Variants in RHOA observed in about 807,000 individuals in gnomAD.
The protein encoded by RHOA is ras homolog family member A.
In RHOA, 3 loss-of-function variants were observed where a neutral mutation model predicts 17.5. That is an observed-to-expected ratio of 0.17 (90% CI 0.08 to 0.44). RHOA has a LOEUF of 0.44. Among genes scored for constraint, RHOA ranks in the 20% least tolerant of loss-of-function variants. The pLI is 0.99. For synonymous variants in RHOA, 98 were observed against 88.4 expected (o/e 1.11, Z -0.61); for missense variants, 56 against 242.3 (o/e 0.23, Z 5.10).
intron 1 of RHOA, among the ~76,000 whole-genome samples, chr3:49,408,995 C>A (rs1300223051): frequency 6.6e-6 from 1 of 151,356 alleles, no homozygotes; most frequent in Non-Finnish European, 1.5e-5. Context: ...GGGGTTTCAC[C>A]GTGTTAGCCA....
At chr3:49,373,618 C>G (rs1431524383) in intron 2 of RHOA, among the ~76,000 whole-genome samples, 2 of 152,138 alleles carry the variant, frequency 1.3e-5, no homozygotes, top group Non-Finnish European at 2.9e-5. Context: ...TTGAAACCAG[C>G]TGGACCAACA....
chr3:49,401,872 C>T (rs1169214470), intron 1 of RHOA, among the ~76,000 whole-genome samples: 1 of 152,172 alleles, frequency 6.6e-6, no homozygotes, highest in Admixed American at 6.6e-5. Context: ...TGCCAGCGCC[C>T]ATCTTGAAGC....
chr3:49,376,521 T>C (rs1056908413), intron 1 of RHOA, among the ~76,000 whole-genome samples: 4 of 150,952 alleles, frequency 2.6e-5, no homozygotes, highest in African/African-American at 7.3e-5. Context: ...CAGGCACCTG[T>C]AGTCCCAGCT....
rs545217053 is a variant in RHOA, at chr3:49,377,236, A to G, written c.-2-1645T>C. Among the ~76,000 whole-genome samples, 21 of 152,162 alleles carry G rather than the reference A, an allele frequency of 1.4e-4. No homozygotes were observed. In the East Asian group the frequency reaches 3.9e-3, roughly 28 times the overall value. ...GCTCAGGCCCAGGAGTTAAGAGACC[A>G]GCCCTGACAACATAGTGAGACACTG... On this transcript the variant is annotated intron_variant, in intron 1 of 4. Transcript: ENST00000418115.
intron 1 of RHOA, among the ~76,000 whole-genome samples, chr3:49,400,750 A>C (rs1559517062): frequency 6.6e-6 from 1 of 151,326 alleles, no homozygotes; most frequent in Non-Finnish European, 1.5e-5. Flanking sequence ...TGGTATATAA[A>C]AGGGTTAATT....
intron 3 of RHOA, 23 bp from the exon 4 acceptor site, chr3:49,362,649 T>C (rs1384828091): frequency 3.7e-6 from 6 of 1,602,394 alleles, no homozygotes; most frequent in South Asian, 1.1e-5. Context: ...TGTAGAGAAT[T>C]TGGGGATACA....
At chr3:49,387,035 T>G (rs2048407304) in intron 1 of RHOA, among the ~76,000 whole-genome samples, 1 of 135,302 alleles carries the variant, frequency 7.4e-6, no homozygotes, top group African/African-American at 2.8e-5. Context: ...GAGAACCGCT[T>G]GAACCTGGGA....
At chr3:49,385,452 G>A (rs2048381806) in intron 1 of RHOA, among the ~76,000 whole-genome samples, 2 of 151,944 alleles carry the variant, frequency 1.3e-5, no homozygotes, top group Admixed American at 1.3e-4. Context: ...CTGACCTCAG[G>A]TGATCCACTT....
Position 49,360,074 on chromosome 3 carries a change from C to G in RHOA, c.*135G>C. ...AATAATCATAGTTGGCTTCTAAATA[C>G]TGGTAGCAAGATGACTTCTGATTTG... On this transcript the variant is annotated 3_prime_UTR_variant, in exon 5 of 5. Coordinates refer to ENST00000418115, the MANE Select transcript of RHOA (RefSeq NM_001664.4). 9.6e-7 allele frequency: 1 copy of G among 1,043,348 alleles called. No homozygotes were observed. Among genetic ancestry groups the G allele is most frequent in the South Asian group, 1.7e-5 (1 of 58,460 alleles). 64.6% of individuals were successfully genotyped at this position (1,043,348 alleles called of 1,614,324 possible).
chr3:49,409,020 C>A (rs1475642193), intron 1 of RHOA, among the ~76,000 whole-genome samples: 1 of 150,962 alleles, frequency 6.6e-6, no homozygotes, highest in Non-Finnish European at 1.5e-5. Flanking sequence ...GGTCTCCAGA[C>A]CTCGTGATCC....
In RHOA at chr3:49,379,095, TAGC is replaced by T. The variant is rs2048277551; in HGVS notation, c.-2-3507_-2-3505del. 3.3e-5 allele frequency among the ~76,000 whole-genome samples: 5 copies of T among 152,158 alleles called. No homozygotes were observed. In the South Asian group the frequency reaches 1.0e-3, roughly 32 times the overall value. On this transcript the variant is annotated intron_variant, in intron 1 of 4. Coordinates refer to ENST00000418115, the MANE Select transcript of RHOA (RefSeq NM_001664.4). ...ACTTGTACCTCTACATGAATATTCA[TAGC>T]AGGATTATTCATAATATATTGTCAA...
At chr3:49,382,758 T>A (rs368208585) in intron 1 of RHOA, among the ~76,000 whole-genome samples, 3 of 152,108 alleles carry the variant, frequency 2.0e-5, no homozygotes, top group African/African-American at 7.2e-5. Context: ...AATTCCCCAG[T>A]TCAAGAAAAG....
chr3:49,384,663 G>A (rs2048368106), intron 1 of RHOA, among the ~76,000 whole-genome samples: 1 of 151,858 alleles, frequency 6.6e-6, no homozygotes, highest in Non-Finnish European at 1.5e-5. Context: ...CACACACCAC[G>A]CCCAGCTAAT....
chr3:49,373,019 G>T (rs1183545903), intron 2 of RHOA, among the ~76,000 whole-genome samples: 3 of 152,084 alleles, frequency 2.0e-5, no homozygotes, highest in Non-Finnish European at 4.4e-5. Flanking sequence ...AGGCTAGGTG[G>T]CCCTAGGACA....
intron 1 of RHOA, among the ~76,000 whole-genome samples, chr3:49,384,424 A>G (rs1459770853): frequency 1.3e-5 from 2 of 152,164 alleles, no homozygotes; most frequent in Non-Finnish European, 2.9e-5. Context: ...ATAAGTTTGG[A>G]GTAGAGGTTT....
intron 1 of RHOA, among the ~76,000 whole-genome samples, chr3:49,392,000 G>C (rs771204834): frequency 1.3e-5 from 2 of 151,460 alleles, no homozygotes; most frequent in Non-Finnish European, 2.9e-5. Context: ...GCTCATTTCC[G>C]TATTTTTAGT....
intron 1 of RHOA, among the ~76,000 whole-genome samples, chr3:49,391,810 CTAAT>C (rs1198990122): frequency 6.8e-6 from 1 of 147,818 alleles, no homozygotes; most frequent in Admixed American, 6.9e-5. Context: ...TGTGCCCGGC[CTAAT>C]TAATTTATCT....
At chr3:49,393,668 TTCTCTCTCTGTG>T (rs2048553604) in intron 1 of RHOA, among the ~76,000 whole-genome samples, 1 of 29,640 alleles carries the variant, frequency 3.4e-5, no homozygotes, top group Non-Finnish European at 7.0e-5. Flanking sequence ...TTGTCTCAAA[TTCTCTCTCTGTG>T]TGTGTGTGTG....
At chr3:49,378,187 A>AAC (rs2048263467) in intron 1 of RHOA, among the ~76,000 whole-genome samples, 1 of 150,168 alleles carries the variant, frequency 6.7e-6, no homozygotes, top group Non-Finnish European at 1.5e-5. Flanking sequence ...AAAAAAAAAA[A>AAC]AAAAGAGAGA....
Sources: gnomAD v4.1 joint callset for allele counts (sites outside exome capture counted in the v4.1 genomes callset) on GRCh38, gnomAD v4.1.1 for gene constraint, MANE v1.5 for transcripts, NCBI Gene and HGNC (gene_info 2026-07-23, HGNC 2026-07-21) for gene names.